The following DNAH2 variants were observed in gnomAD, a reference collection of about 807,000 sequenced individuals.
DNAH2 encodes the protein axonemal beta dynein heavy chain 2.
Under a neutral mutation model 523.5 loss-of-function variants are expected in DNAH2, and 323 were observed. The ratio of observed to expected loss-of-function variants is 0.62; its 90% CI spans 0.56 to 0.68. The LOEUF (loss-of-function observed/expected upper bound fraction) is 0.68, where lower values mean the gene tolerates loss of function less well. Ranked by LOEUF, DNAH2 falls within the 30% of genes least tolerant of loss-of-function variation. The pLI is 0.00. For missense variants in DNAH2, 4,907 were observed against 5,701.5 expected (o/e 0.86, Z 4.49); for synonymous variants, 2,093 against 2,177.4 (o/e 0.96, Z 1.08).
At position 7,805,059 on chromosome 17, in the gene DNAH2, G is replaced by T. The variant is rs2077330906; in HGVS notation, c.9285G>T (p.Leu3095=). ...QKDLEEALPA[L]EEAMRALESL... is the part of the protein sequence containing the mutation. ...ATCTAGAAGAGGCACTGCCCGCCCT[G>T]GAAGAGGCCATGCGGGTACCAGGGG... The change falls in exon 60 of 86, where the codon CTG becomes CTT. Residue 3095 remains leucine, a synonymous_variant. Transcript: ENST00000572933. 2 of 1,614,058 alleles carry T rather than the reference G, an allele frequency of 1.2e-6. No homozygotes were observed. Among genetic ancestry groups the T allele is most frequent in the Non-Finnish European group, 1.7e-6 (2 of 1,179,972 alleles).
chr17:7,811,964 A>G (rs1288624583), intron 63 of DNAH2, among the ~76,000 whole-genome samples: 1 of 152,222 alleles, frequency 6.6e-6, no homozygotes, highest in African/African-American at 2.4e-5. Context: ...ATTAAAATAG[A>G]ACTCAAGGGT....
rs567185846 is a variant in DNAH2 at position 7,759,127 on chromosome 17, A to T, written c.2448+3A>T. 6.2e-7 allele frequency: 1 copy of T among 1,613,728 alleles called. No homozygotes were observed. The highest frequency in any genetic ancestry group is 2.2e-5 in the East Asian group (1 of 44,882). ...TCTTCAAGAATGATGGTCCTGAGGT[A>T]GGGTTCCTGTGGCCAGGATGTTGTG... On this transcript the variant is annotated splice_donor_region_variant and intron_variant, in intron 15 of 85. Transcript: ENST00000572933.
At chr17:7,799,822 T>C (rs2077173401) in intron 56 of DNAH2, among the ~76,000 whole-genome samples, 2 of 150,408 alleles carry the variant, frequency 1.3e-5, no homozygotes, top group African/African-American at 4.9e-5. Flanking sequence ...TGTCTCAAAA[T>C]ACACACACAC....
rs2077139871 is a variant in DNAH2, at chr17:7,798,784, C to T, written c.8559+66C>T. The T allele has an allele frequency of 6.4e-7, 1 of 1,554,058 alleles. No homozygotes were observed. Among genetic ancestry groups the T allele is most frequent in the African/African-American group, 1.4e-5 (1 of 74,016 alleles). On this transcript the variant is annotated intron_variant, in intron 55 of 85. Coordinates refer to ENST00000572933, the MANE Select transcript of DNAH2 (RefSeq NM_020877.5). This position sits in a 1 kb window ranked among gnomAD's most constrained non-coding sequence, Gnocchi z 5.5. Reference sequence around the variant, plus strand: ...CCTGCCTAGCTGACCCCAGAAGGACCACAGCTCCCAGAATGTGCCACTGGC... The same window carrying T: ...CCTGCCTAGCTGACCCCAGAAGGACTACAGCTCCCAGAATGTGCCACTGGC...
intron 18 of DNAH2, 121 bp from the exon 19 acceptor site, chr17:7,763,710 A>T: frequency 8.7e-7 from 1 of 1,148,756 alleles, no homozygotes; most frequent in Non-Finnish European, 1.3e-6. Context: ...GGAGTAGAAG[A>T]ACACTCTAGA....
chr17:7,719,997 G>C, intron 2 of DNAH2, 97 bp downstream of exon 2: 13 of 1,387,298 alleles, frequency 9.4e-6, no homozygotes, highest in Non-Finnish European at 1.2e-5. Context: ...AGGCGCTGTT[G>C]CTTCTGGGCA....
At chr17:7,796,704 G>C (rs569216250) in intron 50 of DNAH2, 52 bp downstream of exon 50, 12 of 1,565,358 alleles carry the variant, frequency 7.7e-6, no homozygotes, top group Non-Finnish European at 9.5e-6. Context: ...CTCCGCGGAG[G>C]CTTTCTCTTC....
Position 7,759,889 on chromosome 17 carries a change from C to T in DNAH2, c.2736C>T (p.Asp912=). 6.2e-7 allele frequency: 1 copy of T among 1,614,234 alleles called. No individual in the cohort carries two copies. Among genetic ancestry groups the T allele is most frequent in the Non-Finnish European group, 8.5e-7 (1 of 1,180,048 alleles). Residue 912 remains aspartate (D), a synonymous_variant, in exon 17 of 86, where the codon GAC becomes GAT. Transcript: ENST00000572933. ...TCTCTGTCTTCTGCCACCTCCCTGA[C>T]ATTCTCACCAAGCGCAAGTTACATC... ...STISVFCHLP[D]ILTKRKLHRE...
intron 2 of DNAH2, 67 bp from the exon 3 acceptor site, chr17:7,723,561 C>G: frequency 7.1e-7 from 1 of 1,402,934 alleles, no homozygotes; most frequent in East Asian, 2.3e-5. Context: ...TGTGAGCCAC[C>G]GCGCCCAGCT....
At chr17:7,740,273 T>C in intron 9 of DNAH2, 147 bp from the exon 10 acceptor site, 2 of 1,249,550 alleles carry the variant, frequency 1.6e-6, no homozygotes, top group Non-Finnish European at 2.2e-6. Flanking sequence ...TTTTGAGGAT[T>C]AAATGGATTC....
chr17:7,777,489 T>G lies in DNAH2; in HGVS notation c.5102T>G (p.Leu1701Trp). 1 of 1,614,126 alleles carries G rather than the reference T, an allele frequency of 6.2e-7. No homozygotes were observed. Among genetic ancestry groups the G allele is most frequent in the South Asian group, 1.1e-5 (1 of 91,080 alleles). ...NKYSEAIRGN[L>W]TKIMRLKIVA... ...TATTCAGAAGCCATCAGGGGGAACT[T>G]GACCAAGATCATGCGGCTTAAAATT... Residue 1701 changes from leucine (L) to tryptophan (W), a missense_variant, in exon 33 of 86, where the codon TTG (leucine) becomes TGG (tryptophan). This residue lies in a region of DNAH2 where 2,806 missense variants were observed against 3,190.8 expected (regional missense o/e 0.88). Transcript: ENST00000572933.
chr17:7,819,187 C>G, intron 71 of DNAH2, 22 bp from the exon 72 acceptor site: 1 of 1,612,228 alleles, frequency 6.2e-7, no homozygotes, highest in Admixed American at 1.7e-5. Context: ...GTGGCCCTGA[C>G]TCCACCCATC....
In DNAH2 at chr17:7,831,249, A is replaced by G; in HGVS notation, c.12394A>G (p.Thr4132Ala). ...CACTGAGGCACAAACCCTCTTTGATACTTTGCTTTCCTTGCAACCTCAGAT... is the reference window on the plus strand; with the variant it reads ...CACTGAGGCACAAACCCTCTTTGATGCTTTGCTTTCCTTGCAACCTCAGAT... ...QITEAQTLFD[T>A]LLSLQPQITP... The change falls in exon 80 of 86, where the codon ACT (threonine) becomes GCT (alanine). Residue 4132 changes from threonine to alanine, a missense_variant. Coordinates refer to ENST00000572933, the MANE Select transcript of DNAH2 (RefSeq NM_020877.5). This position sits in a 1 kb window ranked among gnomAD's most constrained non-coding sequence, Gnocchi z 4.2. 6.2e-7 allele frequency: 1 copy of G among 1,614,110 alleles called. No individual in the cohort carries two copies. Among genetic ancestry groups the G allele is most frequent in the Non-Finnish European group, 8.5e-7 (1 of 1,180,020 alleles).
At chr17:7,752,988 G>A (rs756532933) in intron 12 of DNAH2, among the ~76,000 whole-genome samples, 2 of 152,294 alleles carry the variant, frequency 1.3e-5, no homozygotes, top group South Asian at 2.1e-4. Context: ...TGCCTGGAGC[G>A]TGGAGCATGG....
chr17:7,812,767 CAAA>C (rs59534940), intron 63 of DNAH2, among the ~76,000 whole-genome samples: 311 of 23,844 alleles, frequency 0.013, no homozygotes, highest in Non-Finnish European at 0.019. Flanking sequence ...CTAAAAATAC[CAAA>C]AAAAAAAAAA....
In DNAH2 at chr17:7,758,884, G is replaced by A. The variant is rs1244466316; in HGVS notation, c.2209-1G>A. Reference sequence around the variant, plus strand: ...TCCCCCATGACGGGGCCTGACTCTAGGTGCAGATGATTGTGAATGAGTTCA... The same window carrying A: ...TCCCCCATGACGGGGCCTGACTCTAAGTGCAGATGATTGTGAATGAGTTCA... On this transcript the variant is annotated splice_acceptor_variant, in intron 14 of 85. Coordinates refer to ENST00000572933, the MANE Select transcript of DNAH2 (RefSeq NM_020877.5). LOFTEE classifies it high-confidence loss of function. 6.2e-7 allele frequency: 1 copy of A among 1,613,672 alleles called. No individual in the cohort carries two copies. The highest frequency in any genetic ancestry group is 8.5e-7 in the Non-Finnish European group (1 of 1,179,906).
intron 49 of DNAH2, among the ~76,000 whole-genome samples, chr17:7,795,921 C>T (rs1010588015): frequency 1.1e-4 from 16 of 145,152 alleles, no homozygotes; most frequent in East Asian, 3.9e-4. Context: ...TGCTTGAACC[C>T]GGGAGGCGGA....
rs555762635 is a variant in DNAH2, at chr17:7,735,778, A to T, written c.978+1070A>T. The stretch of plus-strand genomic sequence containing the variant: ...TTTTATTATTATAATTTTGAGACAG[A>T]GTCTTGCTCTGTCGACCAGGCTGGA... On this transcript the variant is annotated intron_variant, in intron 7 of 85. Coordinates refer to ENST00000572933, the MANE Select transcript of DNAH2 (RefSeq NM_020877.5). Among the ~76,000 whole-genome samples the T allele has an allele frequency of 3.4e-5, 5 of 147,942 alleles. No individual in the cohort carries two copies. In the East Asian group the frequency reaches 1.0e-3, roughly 30 times the overall value.
At chr17:7,759,314 G>A (rs539273429) in intron 15 of DNAH2, 108 bp from the exon 16 acceptor site, 48 of 1,473,402 alleles carry the variant, frequency 3.3e-5, no homozygotes, top group East Asian at 4.6e-5. Context: ...AGCGTCCTGC[G>A]TTTCCATTAA....
Sources: gnomAD v4.1 joint callset for allele counts (sites outside exome capture counted in the v4.1 genomes callset) on GRCh38, gnomAD v4.1.1 for gene constraint, gnomAD v4.1.1 regional missense constraint, Gnocchi (gnomAD v3.1) non-coding constraint, MANE v1.5 for transcripts, NCBI Gene and HGNC (gene_info 2026-07-23, HGNC 2026-07-21) for gene names.